The following MAPK14 variants were observed in gnomAD, a reference collection of about 807,000 sequenced individuals.
MAPK14 encodes mitogen-activated protein kinase 14.
In MAPK14, 16 loss-of-function variants were observed where a neutral mutation model predicts 49.6. The ratio of observed to expected loss-of-function variants is 0.32; its 90% CI spans 0.22 to 0.49. The LOEUF is 0.49. MAPK14 is among the 20% of genes least tolerant of loss of function. The pLI is 0.99. For synonymous variants in MAPK14, 142 were observed against 158.0 expected (o/e 0.90, Z 0.76); for missense variants, 200 against 441.2 (o/e 0.45, Z 4.90).
rs746494335 is a variant in MAPK14, at chr6:36,110,678, A to G, written c.*2231A>G. Reference sequence around the variant, plus strand: ...GGAAATTGCTATTTTATTTGTATTCATGAACTTGGCTGTAATCAGTTATGC... The same window carrying G: ...GGAAATTGCTATTTTATTTGTATTCGTGAACTTGGCTGTAATCAGTTATGC... On this transcript the variant is annotated 3_prime_UTR_variant, in exon 12 of 12. Coordinates refer to ENST00000229794, the MANE Select transcript of MAPK14 (RefSeq NM_139012.3). 6.6e-6 allele frequency: 1 copy of G among 152,412 alleles called. No homozygotes were observed. The highest frequency in any genetic ancestry group is 1.5e-5 in the Non-Finnish European group (1 of 68,040). The allele number at this position is 152,412 out of a possible 1,614,324, so 9.4% of individuals were successfully genotyped here. A position where few individuals can be genotyped will look rare whatever the true frequency, so the allele number is the denominator to read the frequency against.
chr6:36,056,651 C>T (rs1763599978), intron 2 of MAPK14, among the ~76,000 whole-genome samples: 1 of 152,174 alleles, frequency 6.6e-6, no homozygotes, highest in Admixed American at 6.5e-5. Context: ...TGAGGTAACT[C>T]TTGCATGTGT....
intron 6 of MAPK14, among the ~76,000 whole-genome samples, chr6:36,075,431 T>C (rs1764490929): frequency 6.6e-6 from 1 of 152,078 alleles, no homozygotes; most frequent in Admixed American, 6.6e-5. Flanking sequence ...TGATTCGGTA[T>C]TGTTGTGTGT....
chr6:36,045,742 G>A (rs1763150354), intron 1 of MAPK14, among the ~76,000 whole-genome samples: 1 of 149,870 alleles, frequency 6.7e-6, no homozygotes, highest in Admixed American at 6.7e-5. Flanking sequence ...CCGGGAGGCG[G>A]TGCTTGCAGT....
chr6:36,068,130 TGAA>T (rs1764132961), intron 3 of MAPK14, among the ~76,000 whole-genome samples: 1 of 151,892 alleles, frequency 6.6e-6, no homozygotes, highest in Non-Finnish European at 1.5e-5. Context: ...AGCAAAAGTG[TGAA>T]GAAGTAGAGG....
the MAPK14 span, among the ~76,000 whole-genome samples, chr6:36,120,897 G>C: frequency 1.3e-5 from 2 of 152,166 alleles, no homozygotes; most frequent in Non-Finnish European, 2.9e-5. Flanking sequence ...AGGTAGGTAA[G>C]GAGGATAGAG....
chr6:36,059,374 C>T, intron 3 of MAPK14, 27 bp downstream of exon 3: 1 of 1,540,106 alleles, frequency 6.5e-7, no homozygotes, highest in Non-Finnish European at 9.0e-7. Context: ...CATTTGCCTT[C>T]CTGGTCTACA....
At chr6:36,099,635 A>G (rs1765564355) in intron 9 of MAPK14, among the ~76,000 whole-genome samples, 1 of 152,172 alleles carries the variant, frequency 6.6e-6, no homozygotes, top group Non-Finnish European at 1.5e-5. Flanking sequence ...TGTGGCAAGT[A>G]TTTTAAATGT....
chr6:36,053,781 CTCT>C (rs1562111938), intron 2 of MAPK14, among the ~76,000 whole-genome samples: 1 of 152,134 alleles, frequency 6.6e-6, no homozygotes, highest in Non-Finnish European at 1.5e-5. Flanking sequence ...AGATAAGTGA[CTCT>C]TCATTAGCGT....
At chr6:36,033,390 C>T (rs1307139989) in intron 1 of MAPK14, among the ~76,000 whole-genome samples, 3 of 151,372 alleles carry the variant, frequency 2.0e-5, no homozygotes, top group Non-Finnish European at 2.9e-5. Flanking sequence ...AATCTCGGCT[C>T]ACGGCAGCCT....
Position 36,030,205 on chromosome 6 carries a change from A to G in MAPK14, c.116+1932A>G, listed in dbSNP as rs74537165. Among the ~76,000 whole-genome samples the G allele has an allele frequency of 2.9e-3, 444 of 152,270 alleles. 3 individuals carry two copies. Among genetic ancestry groups the G allele is most frequent in the Non-Finnish European group, 4.9e-3 (336 of 68,010 alleles). On this transcript the variant is annotated intron_variant, in intron 1 of 11. Transcript: ENST00000229794. ...CAAGGGTTCGCTACTATTGGTGACT[A>G]GCTCTGCACTGGAACAGGAGATTCA...
At chr6:36,083,944 C>T (rs1764870506) in intron 8 of MAPK14, among the ~76,000 whole-genome samples, 1 of 152,126 alleles carries the variant, frequency 6.6e-6, no homozygotes. Flanking sequence ...AGAGCATTCC[C>T]ACTGGCATCA....
At chr6:36,123,748 G>C in the MAPK14 span, among the ~76,000 whole-genome samples, 1,242 of 152,318 alleles carry the variant, frequency 8.2e-3, 17 homozygotes, top group African/African-American at 0.026. Flanking sequence ...TATGCTGAAT[G>C]CTACCAAGGA....
intron 2 of MAPK14, 35 bp downstream of exon 2, chr6:36,052,863 T>A (rs1763456147): frequency 1.3e-6 from 2 of 1,576,030 alleles, no homozygotes; most frequent in Non-Finnish European, 1.7e-6. Context: ...TACATTTTGA[T>A]CTTGAATAGA....
intron 1 of MAPK14, among the ~76,000 whole-genome samples, chr6:36,043,884 C>T (rs754608785): frequency 8.6e-5 from 12 of 140,226 alleles, no homozygotes; most frequent in Non-Finnish European, 1.8e-4. Flanking sequence ...AATCTCAGCT[C>T]ACCACAACCT....
chr6:36,104,757 G>T (rs553204278), intron 10 of MAPK14, among the ~76,000 whole-genome samples: 1 of 152,104 alleles, frequency 6.6e-6, no homozygotes, highest in Non-Finnish European at 1.5e-5. Context: ...TTTTGAACAG[G>T]GCAGTACTCA....
the MAPK14 span, among the ~76,000 whole-genome samples, chr6:36,116,391 T>C: frequency 6.6e-6 from 1 of 152,138 alleles, no homozygotes; most frequent in African/African-American, 2.4e-5. Flanking sequence ...TGGAGAACTT[T>C]TTTATTTACT....
At position 36,076,608 on chromosome 6, in the gene MAPK14, C is replaced by T. The variant is rs150550578; in HGVS notation, c.682C>T (p.His228Tyr). The change falls in exon 8 of 12, where the codon CAT becomes TAT. Residue 228 changes from histidine to tyrosine, a missense_variant and splice_region_variant. Coordinates refer to ENST00000229794, the MANE Select transcript of MAPK14 (RefSeq NM_139012.3). ...TGRTLFPGTDHIDQLKLILRL... is the reference protein window; with the variant it reads ...TGRTLFPGTDYIDQLKLILRL... Reference sequence around the variant, plus strand: ...AAGAACATTGTTTCCTGGTACAGACCGTATCCTTTAAAAAGTTTTGGATTC... The same window carrying T: ...AAGAACATTGTTTCCTGGTACAGACTGTATCCTTTAAAAAGTTTTGGATTC... 45 of 1,612,770 alleles carry T rather than the reference C, an allele frequency of 2.8e-5. No homozygotes were observed. The highest frequency in any genetic ancestry group is 3.4e-5 in the Non-Finnish European group (40 of 1,178,950).
At chr6:36,091,904 T>C (rs530090750) in intron 8 of MAPK14, 33 of 158,114 alleles carry the variant, frequency 2.1e-4, no homozygotes, top group Non-Finnish European at 3.4e-4. Flanking sequence ...AATTCAAATC[T>C]ACATTAAACT....
chr6:36,042,707 G>T (rs1202431273), intron 1 of MAPK14, among the ~76,000 whole-genome samples: 1 of 150,468 alleles, frequency 6.6e-6, no homozygotes, highest in Admixed American at 6.6e-5. Context: ...TCATGAAGTT[G>T]CCCAGGCTGG....
Sources: gnomAD v4.1 joint callset for allele counts (sites outside exome capture counted in the v4.1 genomes callset) on GRCh38, gnomAD v4.1.1 for gene constraint, MANE v1.5 for transcripts, NCBI Gene and HGNC (gene_info 2026-07-23, HGNC 2026-07-21) for gene names.